The following RALGAPB variants were observed in gnomAD, a reference collection of about 807,000 sequenced individuals.
The protein encoded by RALGAPB is Ral GTPase activating protein non-catalytic subunit beta, also known as ral GTPase-activating protein subunit beta.
Under a neutral mutation model 161.1 loss-of-function variants are expected in RALGAPB, and 25 were observed. The ratio of observed to expected loss-of-function variants is 0.16; its 90% confidence interval spans 0.11 to 0.22. The LOEUF (loss-of-function observed/expected upper bound fraction) is 0.22. Ranked by LOEUF, RALGAPB falls within the 10% of genes least tolerant of loss-of-function variation. The pLI is 1.00. For synonymous variants in RALGAPB, 629 were observed against 626.1 expected, an observed-to-expected ratio of 1.00 and a Z score of -0.07; for missense variants, 1,391 against 1,815.2, an observed-to-expected ratio of 0.77 and a Z score of 4.25.
chr20:38,519,855 C>T (rs2086237317), intron 9 of RALGAPB, among the ~76,000 whole-genome samples: 2 of 152,148 alleles, frequency 1.3e-5, no homozygotes, highest in Admixed American at 1.3e-4. Context: ...CAGTTCACCT[C>T]TAACTTAAAG....
chr20:38,570,908 TAATA>T lies in RALGAPB; in HGVS notation c.4142+67_4142+70del, dbSNP rs1280805622. 17 of 1,087,432 alleles carry T rather than the reference TAATA, an allele frequency of 1.6e-5. No homozygotes were observed. The Middle Eastern group carries it at 6.1e-4, about 39-fold the overall frequency. 67.4% of individuals were successfully genotyped at this position (1,087,432 alleles called of 1,614,324 possible). A position where few individuals can be genotyped will look rare whatever the true frequency, so the allele number is the denominator to read the frequency against. Reference sequence around the variant, plus strand: ...TTTTTTTAACATATTGATTGCAGCTTAATAAATAAGGAATTATGAAACGAAAGAG... The same window carrying T: ...TTTTTTTAACATATTGATTGCAGCTTAATAAGGAATTATGAAACGAAAGAG... On this transcript the variant is annotated intron_variant, in intron 28 of 29. Coordinates refer to ENST00000262879, the MANE Select transcript of RALGAPB (RefSeq NM_020336.4).
intron 6 of RALGAPB, among the ~76,000 whole-genome samples, chr20:38,515,295 G>A (rs1207852958): frequency 6.6e-6 from 1 of 152,152 alleles, no homozygotes; most frequent in African/African-American, 2.4e-5. Context: ...TCTTTTGGTG[G>A]GTGGAAAAAG....
intron 23 of RALGAPB, among the ~76,000 whole-genome samples, chr20:38,561,048 C>A (rs913234032): frequency 6.6e-6 from 1 of 152,160 alleles, no homozygotes; most frequent in Non-Finnish European, 1.5e-5. Flanking sequence ...GGTTTTAGGC[C>A]GGGTGTGGTG....
intron 3 of RALGAPB, among the ~76,000 whole-genome samples, chr20:38,494,746 T>C (rs927286212): frequency 1.3e-5 from 2 of 152,252 alleles, no homozygotes; most frequent in Non-Finnish European, 2.9e-5. Context: ...TGTTATCTTA[T>C]TTAGGAGCCT....
intron 1 of RALGAPB, among the ~76,000 whole-genome samples, chr20:38,482,426 CT>C (rs386393725): frequency 0.07 from 8,491 of 121,208 alleles, 377 homozygotes; most frequent in African/African-American, 0.17. Flanking sequence ...GTATGTTTAT[CT>C]TTTTTTTTTT....
chr20:38,493,224 G>A, intron 3 of RALGAPB, 92 bp downstream of exon 3: 1 of 1,038,212 alleles, frequency 9.6e-7, no homozygotes, highest in Non-Finnish European at 1.4e-6. Flanking sequence ...TTCATTGTTA[G>A]TCCTCTGAAC....
chr20:38,514,817 G>T (rs1395113718), intron 6 of RALGAPB, among the ~76,000 whole-genome samples: 1 of 152,198 alleles, frequency 6.6e-6, no homozygotes, highest in Admixed American at 6.5e-5. Context: ...TTTTTTAACA[G>T]GTTCCCCAAA....
intron 6 of RALGAPB, among the ~76,000 whole-genome samples, chr20:38,513,604 A>G (rs2086037608): frequency 6.6e-6 from 1 of 151,652 alleles, no homozygotes; most frequent in Non-Finnish European, 1.5e-5. Context: ...AGCCAAGATC[A>G]TACCACTGTA....
At chr20:38,505,395 A>G (rs1038231972) in intron 5 of RALGAPB, among the ~76,000 whole-genome samples, 4 of 152,216 alleles carry the variant, frequency 2.6e-5, no homozygotes, top group Non-Finnish European at 1.5e-5. Context: ...ACTCATGGAC[A>G]TAAAGATGAC....
intron 22 of RALGAPB, 79 bp from the exon 23 acceptor site, chr20:38,558,216 C>T: frequency 1.7e-6 from 2 of 1,203,480 alleles, no homozygotes; most frequent in South Asian, 4.9e-5. Context: ...TTTATTAAAC[C>T]ATGAGCAAGT....
Position 38,517,809 on chromosome 20 carries a change from T to C in RALGAPB, c.1226T>C (p.Val409Ala). 1.2e-6 allele frequency: 2 copies of C among 1,613,774 alleles called. No individual in the cohort carries two copies. The highest frequency in any genetic ancestry group is 1.7e-6 in the Non-Finnish European group (2 of 1,179,652). ...STVSTAHASK[V>A]QHQTSSTSPL... ...GTTAGTACTGCTCATGCCTCTAAAG[T>C]TCAGCACCAGACGTCCTCCACCTCT... Residue 409 changes from valine to alanine, a missense_variant, in exon 9 of 30, where the codon GTT (valine) becomes GCT (alanine). This residue lies in a region of RALGAPB where 946 missense variants were observed against 1,257.2 expected (regional missense o/e 0.75). Transcript: ENST00000262879.
At chr20:38,546,459 T>TA (rs748633740) in intron 19 of RALGAPB, 29 bp downstream of exon 19, 2 of 1,613,160 alleles carry the variant, frequency 1.2e-6, no homozygotes, top group Non-Finnish European at 1.7e-6. Flanking sequence ...GAGCCTTCTC[T>TA]ACTGCTTAAT....
At chr20:38,501,438 C>G (rs1418046671) in intron 5 of RALGAPB, among the ~76,000 whole-genome samples, 1 of 152,188 alleles carries the variant, frequency 6.6e-6, no homozygotes, top group Non-Finnish European at 1.5e-5. Context: ...TTGGCAAAAG[C>G]CCATCTCTAC....
Position 38,517,784 on chromosome 20 carries a change from G to T in RALGAPB, c.1201G>T (p.Val401Phe), listed in dbSNP as rs1169156620. Residue 401 changes from valine to phenylalanine, a missense_variant and splice_region_variant, in exon 9 of 30, where the codon GTT becomes TTT. This residue lies in a region of RALGAPB where 946 missense variants were observed against 1,257.2 expected (regional missense o/e 0.75). Transcript: ENST00000262879. ...GTGTATTCTTGTGTTCGTCTAATAG[G>T]TTAGTACTGCTCATGCCTCTAAAGT... ...VNKATMKTST[V>F]STAHASKVQH... 6.2e-7 allele frequency: 1 copy of T among 1,611,010 alleles called. No individual in the cohort carries two copies. Among genetic ancestry groups the T allele is most frequent in the Admixed American group, 1.7e-5 (1 of 59,994 alleles).
At chr20:38,506,587 C>G (rs2085770145) in intron 5 of RALGAPB, among the ~76,000 whole-genome samples, 1 of 152,204 alleles carries the variant, frequency 6.6e-6, no homozygotes, top group Non-Finnish European at 1.5e-5. Context: ...AGTGACCACG[C>G]CTGGCCTAGG....
At position 38,511,866 on chromosome 20, in the gene RALGAPB, C is replaced by T. The variant is rs574827263; in HGVS notation, c.872+2658C>T. 5.3e-5 allele frequency among the ~76,000 whole-genome samples: 8 copies of T among 152,232 alleles called. No individual in the cohort carries two copies. In the East Asian group the frequency reaches 1.4e-3, roughly 26 times the overall value. ...TGGGTACACCTCCTAGACGGGGTGG[C>T]GGCCGGGCAGAGGGGCTGCTCACTT... On this transcript the variant is annotated intron_variant, in intron 6 of 29. Transcript: ENST00000262879.
At chr20:38,551,896 T>G (rs564341698) in intron 21 of RALGAPB, among the ~76,000 whole-genome samples, 3 of 152,098 alleles carry the variant, frequency 2.0e-5, no homozygotes, top group Non-Finnish European at 4.4e-5. Context: ...GGCTACACTC[T>G]CCAATGCTGG....
chr20:38,567,231 G>GTT lies in RALGAPB; in HGVS notation c.3953_3954insTT (p.Arg1318SerfsTer9). On this transcript the variant is annotated frameshift_variant and splice_region_variant, in exon 26 of 30. Transcript: ENST00000262879. LOFTEE classifies it high-confidence loss of function. ...ACAGACAATCTTAATTCCTCACAGAGGGTAAGTTACTTTGTTGATAGGTCT... is the reference window on the plus strand; with the variant it reads ...ACAGACAATCTTAATTCCTCACAGAGTTGGTAAGTTACTTTGTTGATAGGTCT... The GTT allele has an allele frequency of 6.2e-7, 1 of 1,611,394 alleles. No homozygotes were observed. Among genetic ancestry groups the GTT allele is most frequent in the Non-Finnish European group, 8.5e-7 (1 of 1,178,816 alleles).
intron 18 of RALGAPB, among the ~76,000 whole-genome samples, chr20:38,542,066 C>G (rs2086988815): frequency 6.6e-6 from 1 of 152,170 alleles, no homozygotes; most frequent in Non-Finnish European, 1.5e-5. Flanking sequence ...AGGAAGGCAG[C>G]TTAGCCACAT....
Sources: allele counts gnomAD v4.1 joint callset (sites outside exome capture counted in the v4.1 genomes callset), GRCh38; gene constraint gnomAD v4.1.1; regional missense constraint gnomAD v4.1.1; transcripts MANE v1.5; gene names NCBI Gene and HGNC (gene_info 2026-07-23, HGNC 2026-07-21).